RRP12: variants seen among roughly 807,000 people sequenced by gnomAD.
RRP12 encodes ribosomal RNA processing 12 homolog.
RRP12 carries 78 observed loss-of-function variants against 157.3 expected under a neutral mutation model. The ratio of observed to expected loss-of-function variants is 0.50; its 90% CI spans 0.41 to 0.60. RRP12 has a LOEUF of 0.60. Ranked by LOEUF, RRP12 falls within the 20% of genes least tolerant of loss-of-function variation. The probability of loss-of-function intolerance (pLI) is 0.00; values close to 1 mark genes in which losing one functional copy is unlikely to be tolerated. For synonymous variants in RRP12, 726 were observed against 670.9 expected, an observed-to-expected ratio of 1.08 and a Z score of -1.27; for missense variants, 1,521 against 1,679.9, an observed-to-expected ratio of 0.91 and a Z score of 1.65.
At chr10:97,387,176 G>A (rs946586550) in intron 8 of RRP12, among the ~76,000 whole-genome samples, 7 of 151,834 alleles carry the variant, frequency 4.6e-5, no homozygotes, top group Non-Finnish European at 8.8e-5. Context: ...CTTATAATAC[G>A]TAATACAATA....
rs1424342507 is a variant in RRP12 at position 97,388,612 on chromosome 10, C to A, written c.766G>T (p.Ala256Ser). The A allele has an allele frequency of 2.5e-6, 4 of 1,613,930 alleles. No homozygotes were observed. In the Admixed American group the frequency reaches 6.7e-5, roughly 27 times the overall value. The part of the protein sequence containing the change: ...VHPKPKIRKA[A>S]QHGVCSVLKG... Reference sequence around the variant, plus strand: ...AGGACTGAGCATACTCCATGCTGGGCAGCCTTCCGGATCTGAGGGGCAAGG... The same window carrying A: ...AGGACTGAGCATACTCCATGCTGGGAAGCCTTCCGGATCTGAGGGGCAAGG... Residue 256 changes from alanine to serine, a missense_variant, in exon 7 of 34, where the codon GCC (alanine) becomes TCC (serine). Transcript: ENST00000370992.
chr10:97,380,219 A>C (rs1171287582), intron 13 of RRP12, among the ~76,000 whole-genome samples: 2 of 152,158 alleles, frequency 1.3e-5, no homozygotes, highest in Non-Finnish European at 2.9e-5. Flanking sequence ...AGGCCTCTTG[A>C]TGGAGACCCT....
At chr10:97,384,098 C>T (rs1385605341) in intron 10 of RRP12, among the ~76,000 whole-genome samples, 1 of 152,110 alleles carries the variant, frequency 6.6e-6, no homozygotes, top group Non-Finnish European at 1.5e-5. Flanking sequence ...GGACGGAGGC[C>T]CTGAGCACCC....
At position 97,381,367 on chromosome 10, in the gene RRP12, A is replaced by G; in HGVS notation, c.1418+19T>C. 1 of 1,568,424 alleles carries G rather than the reference A, an allele frequency of 6.4e-7. No homozygotes were observed. The highest frequency in any genetic ancestry group is 1.1e-5 in the South Asian group (1 of 87,202). The stretch of plus-strand genomic sequence containing the variant: ...CAAGGTACCACCATCCCTTCCTAAC[A>G]TGGACCCCATATCCTCACCTGAACA... On this transcript the variant is annotated intron_variant, in intron 12 of 33. Coordinates refer to ENST00000370992, the MANE Select transcript of RRP12 (RefSeq NM_015179.4).
chr10:97,394,738 G>A (rs1844907736), intron 3 of RRP12, among the ~76,000 whole-genome samples: 1 of 152,206 alleles, frequency 6.6e-6, no homozygotes, highest in Non-Finnish European at 1.5e-5. Context: ...TAGAGCAGAG[G>A]TTGGCAAACT....
intron 15 of RRP12, among the ~76,000 whole-genome samples, chr10:97,375,795 A>G (rs955037922): frequency 7.2e-5 from 11 of 152,326 alleles, no homozygotes; most frequent in Admixed American, 7.2e-4. Flanking sequence ...TAGAAATACA[A>G]TACTATTTTT....
At chr10:97,385,356 C>T (rs1844599585) in intron 9 of RRP12, 99 bp from the exon 10 acceptor site, 1 of 957,214 alleles carries the variant, frequency 1.0e-6, no homozygotes, top group East Asian at 2.4e-5. Context: ...GTCCTGGGGA[C>T]AGTGCTTGTG....
Position 97,385,241 on chromosome 10 carries a change from ACATAGTC to A in RRP12, c.1126_1132del (p.Asp376PhefsTer11). ...GGGTTGTAAATCATTCTCACTGGGA[ACATAGTC>A]GTACAGGGCCTAAAAGTGGGAATAA... On this transcript the variant is annotated frameshift_variant, in exon 10 of 34. Coordinates refer to ENST00000370992, the MANE Select transcript of RRP12 (RefSeq NM_015179.4). LOFTEE classifies it high-confidence loss of function. 1 of 1,613,886 alleles carries A rather than the reference ACATAGTC, an allele frequency of 6.2e-7. No homozygotes were observed. The highest frequency in any genetic ancestry group is 8.5e-7 in the Non-Finnish European group (1 of 1,179,766).
chr10:97,366,705 G>A (rs1009023220), intron 27 of RRP12, 37 bp downstream of exon 27: 4 of 1,603,308 alleles, frequency 2.5e-6, no homozygotes, highest in Non-Finnish European at 3.4e-6. Flanking sequence ...CTTGGGTTGG[G>A]GGGACACCGG....
At chr10:97,371,522 T>C (rs1844154338) in intron 20 of RRP12, 1 of 205,684 alleles carries the variant, frequency 4.9e-6, no homozygotes, top group East Asian at 1.2e-4. Flanking sequence ...TGGATTTCCA[T>C]GTCCACCTGC....
intron 10 of RRP12, among the ~76,000 whole-genome samples, chr10:97,382,872 G>A (rs189578487): frequency 9.9e-5 from 15 of 151,606 alleles, no homozygotes; most frequent in Admixed American, 7.2e-4. Flanking sequence ...AGCGATTCTC[G>A]TGCCTCAGCC....
Position 97,357,164 on chromosome 10 carries a change from C to A in RRP12, c.3824G>T (p.Gly1275Val), listed in dbSNP as rs1284205230. Residue 1275 changes from glycine to valine, a missense_variant, in exon 34 of 34, where the codon GGC becomes GTC. Coordinates refer to ENST00000370992, the MANE Select transcript of RRP12 (RefSeq NM_015179.4). ...KKMKLQGQFK[G>V]LVKAARRGSQ... Reference sequence around the variant, plus strand: ...ACCTCGCCGGGCAGCCTTCACCAGGCCTTTGAACTGTCCCTGCAGCTTCAT... The same window carrying A: ...ACCTCGCCGGGCAGCCTTCACCAGGACTTTGAACTGTCCCTGCAGCTTCAT... The A allele has an allele frequency of 1.9e-6, 3 of 1,612,788 alleles. No homozygotes were observed. Among genetic ancestry groups the A allele is most frequent in the Non-Finnish European group, 1.7e-6 (2 of 1,179,210 alleles).
intron 29 of RRP12, 132 bp from the exon 30 acceptor site, chr10:97,364,035 C>A: frequency 1.4e-6 from 1 of 738,678 alleles, no homozygotes; most frequent in Non-Finnish European, 2.5e-6. Flanking sequence ...CTTCCTCAGA[C>A]CAATATCATC....
rs141999129 is a variant in RRP12, at chr10:97,381,397, G to T, written c.1407C>A (p.Ala469=). The change falls in exon 12 of 34, where the codon GCC becomes GCA. Residue 469 remains alanine, a synonymous_variant. Coordinates refer to ENST00000370992, the MANE Select transcript of RRP12 (RefSeq NM_015179.4). ...CCCCATATCCTCACCTGAACATCTT[G>T]GCAACAGATTGGGCAGGGCCTGAGG... The part of the protein sequence containing the change: ...SSASGPAQSV[A]KMFRAVEEGL... 1 of 1,610,284 alleles carries T rather than the reference G, an allele frequency of 6.2e-7. No homozygotes were observed. The highest frequency in any genetic ancestry group is 1.1e-5 in the South Asian group (1 of 90,538).
At chr10:97,372,879 A>C in intron 18 of RRP12, 76 bp from the exon 19 acceptor site, 2 of 1,476,922 alleles carry the variant, frequency 1.4e-6, no homozygotes, top group Non-Finnish European at 1.9e-6. Flanking sequence ...CAGCAGTCCC[A>C]GAGCGGCCTC....
At chr10:97,382,824 C>T (rs985308906) in intron 10 of RRP12, among the ~76,000 whole-genome samples, 1 of 150,956 alleles carries the variant, frequency 6.6e-6, no homozygotes, top group Non-Finnish European at 1.5e-5. Flanking sequence ...AACAGTGGTG[C>T]GATCTCAGTT....
intron 30 of RRP12, among the ~76,000 whole-genome samples, 190 bp from the exon 31 acceptor site, chr10:97,360,808 G>T (rs1415476466): frequency 6.6e-6 from 1 of 152,192 alleles, no homozygotes. Context: ...CACAAAGCCA[G>T]GCAGTGCAGA....
chr10:97,394,728 T>C (rs1844907326), intron 3 of RRP12, among the ~76,000 whole-genome samples: 2 of 152,234 alleles, frequency 1.3e-5, no homozygotes, highest in African/African-American at 2.4e-5. Context: ...TTCATTATTC[T>C]AGAGCAGAGG....
chr10:97,382,024 A>C (rs1423182221), intron 10 of RRP12, among the ~76,000 whole-genome samples, 198 bp from the exon 11 acceptor site: 3 of 152,242 alleles, frequency 2.0e-5, no homozygotes, highest in African/African-American at 7.2e-5. Context: ...TAGAAAATTC[A>C]AACAGGTCTT....
Sources: allele counts gnomAD v4.1 joint callset (sites outside exome capture counted in the v4.1 genomes callset), GRCh38; gene constraint gnomAD v4.1.1; transcripts MANE v1.5; gene names NCBI Gene and HGNC (gene_info 2026-07-23, HGNC 2026-07-21).